SETX: variants seen among roughly 807,000 people sequenced by gnomAD.
SETX encodes the protein senataxin, also known as helicase senataxin.
SETX carries 90 observed loss-of-function variants against 227.2 expected under a neutral mutation model. That is an observed-to-expected ratio of 0.40 (90% CI 0.33 to 0.47). The LOEUF is 0.47. SETX is among the 20% of genes least tolerant of loss of function. SETX has a pLI of 0.91. For synonymous variants in SETX, 1,210 were observed against 1,113.2 expected (o/e 1.09, Z -1.73); for missense variants, 3,052 against 3,181.5 (o/e 0.96, Z 0.98).
intron 13 of SETX, 27 bp downstream of exon 13, chr9:132,298,053 T>C: frequency 1.3e-6 from 2 of 1,539,196 alleles, no homozygotes; most frequent in Non-Finnish European, 8.9e-7. Context: ...AACATGAAAT[T>C]ATCTAGTATC....
intron 3 of SETX, among the ~76,000 whole-genome samples, chr9:132,348,612 G>A (rs1238418573): frequency 6.6e-6 from 1 of 152,122 alleles, no homozygotes; most frequent in South Asian, 2.1e-4. Flanking sequence ...CAGGCAATGA[G>A]TTAGGTACTT....
chr9:132,349,179 C>A, intron 3 of SETX, 73 bp downstream of exon 3: 1 of 1,391,124 alleles, frequency 7.2e-7, no homozygotes, highest in Non-Finnish European at 1.0e-6. Flanking sequence ...CTGAATACTT[C>A]CAACGGAGTT....
intron 16 of SETX, 99 bp downstream of exon 16, chr9:132,288,451 A>G (rs189546489): frequency 1.4e-6 from 2 of 1,404,272 alleles, no homozygotes; most frequent in African/African-American, 2.9e-5. Context: ...TCCCAAAGCC[A>G]GACTAATTCT....
In SETX at chr9:132,327,499, C is replaced by G. The variant is rs1409939108; in HGVS notation, c.4099G>C (p.Asp1367His). The G allele has an allele frequency of 6.2e-7, 1 of 1,613,980 alleles. No homozygotes were observed. Among genetic ancestry groups the G allele is most frequent in the Non-Finnish European group, 8.5e-7 (1 of 1,180,014 alleles). ...CTTTTAACATCTGTACTTTCACAAT[C>G]AGAAAGTCTTCGTCTATTTTTTTGT... ...KSQKNRRRLS[D>H]CESTDVKRAG... is the part of the protein sequence containing the mutation. Residue 1367 changes from aspartate to histidine, a missense_variant, in exon 10 of 26, where the codon GAT becomes CAT. This residue lies in a region of SETX where 1,483 missense variants were observed against 1,312.0 expected (regional missense o/e 1.13). Transcript: ENST00000224140.
rs1404081092 is a variant in SETX, at chr9:132,288,219, A to C, written c.6324+17T>G. 6.2e-7 allele frequency: 1 copy of C among 1,600,858 alleles called. No homozygotes were observed. The highest frequency in any genetic ancestry group is 8.6e-7 in the Non-Finnish European group (1 of 1,168,258). ...AGTTCGTATACCTGAGTTATTATTC[A>C]AGAAATGCAAAGATACCTGTATTTC... On this transcript the variant is annotated intron_variant, in intron 17 of 25. Transcript: ENST00000224140.
rs12352982 is a variant in SETX at position 132,328,416 on chromosome 9, G to A, written c.3182C>T (p.Pro1061Leu). ...STVNSKEEKN[P>L]VKEEKTETLF... ...AGTCTCTGTCTTTTCTTCCTTTACT[G>A]GATTCTTTTCCTCCTTACTATTAAC... The change falls in exon 10 of 26, where the codon CCA becomes CTA. Residue 1061 changes from proline (P) to leucine (L), a missense_variant. Coordinates refer to ENST00000224140, the MANE Select transcript of SETX (RefSeq NM_015046.7). 4,311 of 1,613,740 alleles carry A rather than the reference G, an allele frequency of 2.7e-3. 110 individuals carry two copies. The African/African-American group carries it at 0.051, about 19-fold the overall frequency.
At position 132,330,052 on chromosome 9, in the gene SETX, C is replaced by T. The variant is rs566951102; in HGVS notation, c.1546G>A (p.Ala516Thr). 16 of 1,614,246 alleles carry T rather than the reference C, an allele frequency of 9.9e-6. No individual in the cohort carries two copies. In the East Asian group the frequency reaches 1.3e-4, roughly 13 times the overall value. ...KSSGNCSKGT[A>T]MISSLSLHSM... ...TGCAATGACAGTGAAGATATCATTG[C>T]TGTTCCTTTGGAGCAATTTCCAGAT... Residue 516 changes from alanine to threonine, a missense_variant, in exon 10 of 26, where the codon GCA becomes ACA. By Grantham distance (58) the Ala-to-Thr change is moderately conservative. This residue lies in a region of SETX where 179 missense variants were observed against 197.1 expected (regional missense o/e 0.91). Coordinates refer to ENST00000224140, the MANE Select transcript of SETX (RefSeq NM_015046.7).
At chr9:132,289,527 G>A (rs1390984438) in intron 15 of SETX, among the ~76,000 whole-genome samples, 1 of 152,040 alleles carries the variant, frequency 6.6e-6, no homozygotes, top group South Asian at 2.1e-4. Context: ...TGTCACCACT[G>A]CACTTCGGGT....
In SETX at chr9:132,310,874, T is replaced by C. The variant is rs185984876; in HGVS notation, c.5374+883A>G. Among the ~76,000 whole-genome samples, 14 of 152,352 alleles carry C rather than the reference T, an allele frequency of 9.2e-5. No individual in the cohort carries two copies. In the East Asian group the frequency reaches 2.7e-3, roughly 29 times the overall value. ...CCGTTTCACTTAATGAATAAATATA[T>C]CTTCTCTTCCTTATGATTTTAGTTT... On this transcript the variant is annotated intron_variant, in intron 11 of 25. Coordinates refer to ENST00000224140, the MANE Select transcript of SETX (RefSeq NM_015046.7).
intron 3 of SETX, among the ~76,000 whole-genome samples, chr9:132,347,368 A>C (rs1349884531): frequency 6.6e-6 from 1 of 151,778 alleles, no homozygotes; most frequent in Non-Finnish European, 1.5e-5. Flanking sequence ...GCTGGAGTGC[A>C]ATGGCGTGGT....
rs147889837 is a variant in SETX, at chr9:132,307,181, G to C, written c.5374+4576C>G. 3.2e-4 allele frequency among the ~76,000 whole-genome samples: 49 copies of C among 152,242 alleles called. 1 individual carries two copies. In the East Asian group the frequency reaches 9.5e-3, roughly 29 times the overall value. ...GAGGCAGGAGAATTGCTTGAACTCG[G>C]GAGACAGAAGTTGCAGTGAGCCAAG... On this transcript the variant is annotated intron_variant, in intron 11 of 25. Transcript: ENST00000224140.
In SETX at chr9:132,295,726, G is replaced by T. The variant is rs577036069; in HGVS notation, c.6106+146C>A. ...CCCTGGCACAGGGTAAATGTTCAATGAAATACTTGCTAAATGAACTCACAA... is the reference window on the plus strand; with the variant it reads ...CCCTGGCACAGGGTAAATGTTCAATTAAATACTTGCTAAATGAACTCACAA... On this transcript the variant is annotated intron_variant, in intron 15 of 25. Transcript: ENST00000224140. 2.4e-4 allele frequency: 194 copies of T among 805,892 alleles called. 2 individuals carry two copies. The South Asian group carries it at 2.7e-3, about 11-fold the overall frequency. The allele number at this position is 805,892 out of a possible 1,614,324, so 49.9% of individuals were successfully genotyped here. A position where few individuals can be genotyped will look rare whatever the true frequency, so the allele number is the denominator to read the frequency against.
intron 7 of SETX, 82 bp downstream of exon 7, chr9:132,334,526 C>T (rs1770684225): frequency 6.8e-7 from 1 of 1,467,114 alleles, no homozygotes; most frequent in African/African-American, 1.4e-5. Flanking sequence ...CAACATACAC[C>T]AATTCCTGCA....
chr9:132,307,036 C>T (rs899127728), intron 11 of SETX, among the ~76,000 whole-genome samples: 9 of 152,228 alleles, frequency 5.9e-5, no homozygotes, highest in Non-Finnish European at 1.3e-4. Context: ...AGGCGGGTCA[C>T]CTGAGGTCAG....
chr9:132,349,143 A>C lies in SETX; in HGVS notation c.177+109T>G, dbSNP rs565875707. On this transcript the variant is annotated intron_variant, in intron 3 of 25. Transcript: ENST00000224140. ...AACAAAAACAAAAAAAAAAACCCACAAAGTTGAAATCGTATCATCATTTCT... is the reference window on the plus strand; with the variant it reads ...AACAAAAACAAAAAAAAAAACCCACCAAGTTGAAATCGTATCATCATTTCT... The C allele has an allele frequency of 6.2e-6, 7 of 1,133,694 alleles. No homozygotes were observed. The South Asian group carries it at 9.6e-5, about 16-fold the overall frequency. The allele number at this position is 1,133,694 out of a possible 1,614,324, so 70.2% of individuals were successfully genotyped here.
rs562073479 is a variant in SETX, at chr9:132,275,148, C to T, written c.7100+108G>A. On this transcript the variant is annotated intron_variant, in intron 23 of 25. Coordinates refer to ENST00000224140, the MANE Select transcript of SETX (RefSeq NM_015046.7). ...ATCCCAGCTTCCTCGTGCCGTATCACCAATTTGCACAGACCACTCCTTAAG... is the reference window on the plus strand; with the variant it reads ...ATCCCAGCTTCCTCGTGCCGTATCATCAATTTGCACAGACCACTCCTTAAG... 1.5e-5 allele frequency: 18 copies of T among 1,228,086 alleles called. No homozygotes were observed. In the East Asian group the frequency reaches 3.5e-4, roughly 24 times the overall value. The allele number at this position is 1,228,086 out of a possible 1,614,324, so 76.1% of individuals were successfully genotyped here. A position where few individuals can be genotyped will look rare whatever the true frequency, so the allele number is the denominator to read the frequency against.
chr9:132,268,251 A>G (rs1043294765), intron 25 of SETX, among the ~76,000 whole-genome samples: 1 of 152,262 alleles, frequency 6.6e-6, no homozygotes, highest in Non-Finnish European at 1.5e-5. Flanking sequence ...GGGTTCCCCA[A>G]ATAGTGATAA....
At position 132,327,371 on chromosome 9, in the gene SETX, G is replaced by A; in HGVS notation, c.4227C>T (p.Asn1409=). The change falls in exon 10 of 26, where the codon AAC becomes AAT. Residue 1409 remains asparagine (N), a synonymous_variant. Coordinates refer to ENST00000224140, the MANE Select transcript of SETX (RefSeq NM_015046.7). ...GCATGCATTTTATTAACTGTTTTCT[G>A]TTACTGTTGGCAAGTACCTCAGTTC... The part of the protein sequence containing the change: ...TGGTEVLANS[N]RKQLIKCMPS... 1 of 1,614,218 alleles carries A rather than the reference G, an allele frequency of 6.2e-7. No individual in the cohort carries two copies. The highest frequency in any genetic ancestry group is 2.2e-5 in the East Asian group (1 of 44,888).
At chr9:132,335,194 T>C (rs553972282) in intron 6 of SETX, among the ~76,000 whole-genome samples, 75 of 151,496 alleles carry the variant, frequency 5.0e-4, no homozygotes, top group Non-Finnish European at 9.1e-4. Flanking sequence ...ATCGAGACCA[T>C]CCTGGCTAAC....
Sources: allele counts gnomAD v4.1 joint callset (sites outside exome capture counted in the v4.1 genomes callset), GRCh38; gene constraint gnomAD v4.1.1; regional missense constraint gnomAD v4.1.1; transcripts MANE v1.5; gene names NCBI Gene and HGNC (gene_info 2026-07-23, HGNC 2026-07-21).